Variants in PCDHA11 observed in about 807,000 individuals in gnomAD.
PCDHA11 encodes the protein protocadherin alpha 11.
PCDHA11 carries 61 observed loss-of-function variants against 70.3 expected under a neutral mutation model. The observed-to-expected ratio is 0.87, with a 90% CI of 0.71 to 1.07. The LOEUF (loss-of-function observed/expected upper bound fraction) is 1.07. Ranked by LOEUF, PCDHA11 falls within the 50% of genes least tolerant of loss-of-function variation. PCDHA11 has a pLI of 0.00. For synonymous variants in PCDHA11, 633 were observed against 555.1 expected, an observed-to-expected ratio of 1.14 and a Z score of -1.97; for missense variants, 1,324 against 1,237.5, an observed-to-expected ratio of 1.07 and a Z score of -1.05.
Position 140,969,468 on chromosome 5 carries a change from A to G in PCDHA11, c.2392-9481A>G, listed in dbSNP as rs1554231867. 18 of 1,486,304 alleles carry G rather than the reference A, an allele frequency of 1.2e-5. No individual in the cohort carries two copies. In the South Asian group the frequency reaches 2.5e-4, roughly 21 times the overall value. 92.1% of individuals were successfully genotyped at this position (1,486,304 alleles called of 1,614,324 possible). The stretch of plus-strand genomic sequence containing the variant: ...AAACTGAGTATATATAGTATCCACA[A>G]TTTGATCATAATCTGCTATTTCCTC... On this transcript the variant is annotated intron_variant, in intron 1 of 3. Transcript: ENST00000398640.
chr5:140,969,198 C>T lies in PCDHA11; in HGVS notation c.2392-9751C>T, dbSNP rs2096305688. ...AGTGACACTTTCATGTTTTACAATA[C>T]AGGGGCCCAGACAGGACCAGGGCCT... On this transcript the variant is annotated intron_variant, in intron 1 of 3. Coordinates refer to ENST00000398640, the MANE Select transcript of PCDHA11 (RefSeq NM_018902.5). 1 of 1,614,166 alleles carries T rather than the reference C, an allele frequency of 6.2e-7. No individual in the cohort carries two copies. Among genetic ancestry groups the T allele is most frequent in the Non-Finnish European group, 8.5e-7 (1 of 1,180,032 alleles).
At chr5:140,892,641 T>G (rs2063609688) in intron 1 of PCDHA11, among the ~76,000 whole-genome samples, 1 of 152,226 alleles carries the variant, frequency 6.6e-6, no homozygotes. Flanking sequence ...TTGTACATAT[T>G]TATAGGATAC....
chr5:140,892,534 T>C (rs1554185241), intron 1 of PCDHA11, among the ~76,000 whole-genome samples: 2 of 152,254 alleles, frequency 1.3e-5, no homozygotes, highest in African/African-American at 2.4e-5. Context: ...CTCAGGATTC[T>C]GACTTTTGTT....
chr5:141,000,805 G>C (rs1049253262), intron 3 of PCDHA11, among the ~76,000 whole-genome samples: 2 of 151,852 alleles, frequency 1.3e-5, no homozygotes, highest in Non-Finnish European at 2.9e-5. Context: ...TACTCAGAAG[G>C]CTGAGGTGGG....
intron 3 of PCDHA11, among the ~76,000 whole-genome samples, chr5:140,986,555 T>A (rs1554248143): frequency 6.6e-6 from 1 of 152,214 alleles, no homozygotes; most frequent in African/African-American, 2.4e-5. Context: ...GCCAGGCTGC[T>A]TTGTTATCTG....
intron 1 of PCDHA11, chr5:140,875,498 C>A (rs782226561): frequency 1.9e-6 from 3 of 1,613,292 alleles, no homozygotes; most frequent in East Asian, 4.5e-5. Flanking sequence ...CCAAGAGGCC[C>A]GGGATCCCAG....
intron 1 of PCDHA11, chr5:140,968,816 G>A: frequency 6.2e-7 from 1 of 1,614,144 alleles, no homozygotes. Context: ...GGTGGATAGG[G>A]TTTCCAAAAT....
chr5:140,875,864 C>G (rs781972677), intron 1 of PCDHA11: 2 of 1,614,168 alleles, frequency 1.2e-6, no homozygotes, highest in South Asian at 1.1e-5. Context: ...GACAACCCGC[C>G]GGTGTTCAGA....
At chr5:140,893,066 A>G (rs1221245824) in intron 1 of PCDHA11, among the ~76,000 whole-genome samples, 1 of 152,248 alleles carries the variant, frequency 6.6e-6, no homozygotes, top group Admixed American at 6.5e-5. Flanking sequence ...ACTGCCATGA[A>G]TAACAGGATT....
chr5:140,903,524 A>T (rs2070355065), intron 1 of PCDHA11, among the ~76,000 whole-genome samples: 1 of 152,156 alleles, frequency 6.6e-6, no homozygotes, highest in Non-Finnish European at 1.5e-5. Flanking sequence ...TGTGTTGTTC[A>T]CTTTAAACTA....
At chr5:141,007,759 T>C (rs1392582275) in intron 3 of PCDHA11, among the ~76,000 whole-genome samples, 6 of 152,312 alleles carry the variant, frequency 3.9e-5, no homozygotes, top group Middle Eastern at 3.4e-3. Flanking sequence ...TGGACTCTTA[T>C]TGGCCTGGAA....
rs191251073 is a variant in PCDHA11, at chr5:140,928,748, G to A, written c.2392-50201G>A. 503 of 1,614,114 alleles carry A rather than the reference G, an allele frequency of 3.1e-4. 5 individuals carry two copies. The East Asian group carries it at 1.0e-2, about 32-fold the overall frequency. Reference sequence around the variant, plus strand: ...ATTTCAGCCAATATAGGTGAGCTCCGTACTGCTCGCTTAGTTCTTCCCACT... The same window carrying A: ...ATTTCAGCCAATATAGGTGAGCTCCATACTGCTCGCTTAGTTCTTCCCACT... On this transcript the variant is annotated intron_variant, in intron 1 of 3. Transcript: ENST00000398640.
chr5:140,924,907 AAAAT>A (rs1563068966), intron 1 of PCDHA11, among the ~76,000 whole-genome samples: 53 of 50,956 alleles, frequency 1.0e-3, no homozygotes, highest in African/African-American at 2.1e-3. Flanking sequence ...AAAAAAAAAT[AAAAT>A]AAAATAAAAT....
chr5:140,886,884 A>C (rs903199967), intron 1 of PCDHA11, among the ~76,000 whole-genome samples: 9 of 151,846 alleles, frequency 5.9e-5, no homozygotes, highest in African/African-American at 1.9e-4. Flanking sequence ...AACATTCATT[A>C]ATTAAATGCA....
At position 140,917,332 on chromosome 5, in the gene PCDHA11, G is replaced by T. The variant is rs182473611; in HGVS notation, c.2391+45838G>T. Among the ~76,000 whole-genome samples the T allele has an allele frequency of 8.2e-3, 1,196 of 145,640 alleles. 67 individuals carry two copies. The highest frequency in any genetic ancestry group is 0.021 in the African/African-American group (776 of 37,840). On this transcript the variant is annotated intron_variant, in intron 1 of 3. Transcript: ENST00000398640. ...ATTTGGTGTTCATGTGGCGGGGGAG[G>T]GGGGGGATGGTGTAGGCTTCTGTTC... is the stretch of plus-strand genomic sequence containing the variant.
intron 3 of PCDHA11, 119 bp from the exon 4 acceptor site, chr5:141,009,508 C>T (rs923907688): frequency 6.7e-7 from 1 of 1,496,530 alleles, no homozygotes; most frequent in African/African-American, 1.4e-5. Flanking sequence ...GAACAAACAA[C>T]TCGTGATTTT....
chr5:141,010,377 G>A lies in PCDHA11; in HGVS notation c.*440G>A. 1 of 1,444,554 alleles carries A rather than the reference G, an allele frequency of 6.9e-7. No individual in the cohort carries two copies. The highest frequency in any genetic ancestry group is 1.4e-5 in the South Asian group (1 of 71,996). The allele number at this position is 1,444,554 out of a possible 1,614,324, so 89.5% of individuals were successfully genotyped here. ...GGCTACCGCGGGTATGCGAGTGCCA[G>A]ATATTGGCTGAGACGAGCCAGCTTA... On this transcript the variant is annotated 3_prime_UTR_variant, in exon 4 of 4. Transcript: ENST00000398640.
In PCDHA11 at chr5:140,871,203, C is replaced by A. The variant is rs369236762; in HGVS notation, c.2100C>A (p.Ile700=). Residue 700 remains isoleucine, a synonymous_variant, in exon 1 of 4, where the codon ATC becomes ATA. Transcript: ENST00000398640. ...TGGTGGATGTCAACGTGTACCTGAT[C>A]ATCGCCATCTGCGTGGTGTCCAGCC... The part of the protein sequence containing the change: ...AALVDVNVYL[I]IAICVVSSLL... The A allele has an allele frequency of 6.3e-5, 101 of 1,613,744 alleles. No homozygotes were observed. The African/African-American group carries it at 1.3e-3, about 21-fold the overall frequency.
At position 140,892,541 on chromosome 5, in the gene PCDHA11, T is replaced by C. The variant is rs192378744; in HGVS notation, c.2391+21047T>C. Among the ~76,000 whole-genome samples, 471 of 152,362 alleles carry C rather than the reference T, an allele frequency of 3.1e-3. 2 individuals are homozygous for C. Among genetic ancestry groups the C allele is most frequent in the African/African-American group, 0.011 (438 of 41,580 alleles). On this transcript the variant is annotated intron_variant, in intron 1 of 3. Coordinates refer to ENST00000398640, the MANE Select transcript of PCDHA11 (RefSeq NM_018902.5). ...CTGGTAGACTCAGGATTCTGACTTTTGTTTCTCTAGTCCTTGGAGACTGTC... is the reference window on the plus strand; with the variant it reads ...CTGGTAGACTCAGGATTCTGACTTTCGTTTCTCTAGTCCTTGGAGACTGTC...
Sources: allele counts gnomAD v4.1 joint callset (sites outside exome capture counted in the v4.1 genomes callset), GRCh38; gene constraint gnomAD v4.1.1; transcripts MANE v1.5; gene names NCBI Gene and HGNC (gene_info 2026-07-23, HGNC 2026-07-21).